Variants in C16orf96 observed in about 807,000 individuals in gnomAD.
The protein encoded by C16orf96 is uncharacterized protein C16orf96.
In C16orf96, 108 loss-of-function variants were observed where a neutral mutation model predicts 103.6. The ratio of observed to expected loss-of-function variants is 1.04; its 90% CI spans 0.89 to 1.22. C16orf96 has a LOEUF of 1.22. Among genes scored for constraint, C16orf96 ranks in the 50% most tolerant of loss-of-function variants. The probability of loss-of-function intolerance (pLI) is 0.00; values close to 1 mark genes in which losing one functional copy is unlikely to be tolerated. For synonymous variants in C16orf96, 566 were observed against 593.5 expected (o/e 0.95, Z 0.67); for missense variants, 1,586 against 1,464.2 (o/e 1.08, Z -1.36).
chr16:4,579,140 C>A (rs781778056), intron 6 of C16orf96, 115 bp downstream of exon 6: 7 of 968,322 alleles, frequency 7.2e-6, no homozygotes, highest in Admixed American at 2.4e-5. Context: ...GCAAAACAGG[C>A]TGGGGGAAAG....
At chr16:4,571,818 G>A (rs923545389) in intron 2 of C16orf96, among the ~76,000 whole-genome samples, 153 bp downstream of exon 2, 3 of 151,952 alleles carry the variant, frequency 2.0e-5, no homozygotes, top group East Asian at 1.9e-4. Flanking sequence ...CAGTGCCACC[G>A]ACTTCTCTGT....
intron 1 of C16orf96, among the ~76,000 whole-genome samples, chr16:4,567,260 T>G (rs1453885195): frequency 6.6e-6 from 1 of 150,818 alleles, no homozygotes; most frequent in Non-Finnish European, 1.5e-5. Flanking sequence ...TTGTGATTTC[T>G]TCTTTGACAT....
chr16:4,588,046 G>T, intron 8 of C16orf96, 121 bp from the exon 9 acceptor site: 1 of 1,024,756 alleles, frequency 9.8e-7, no homozygotes, highest in Non-Finnish European at 1.4e-6. Flanking sequence ...TTGCATTTAA[G>T]CCAAGGCTAA....
At chr16:4,546,090 C>A in the C16orf96 span, among the ~76,000 whole-genome samples, 1 of 151,546 alleles carries the variant, frequency 6.6e-6, no homozygotes, top group Non-Finnish European at 1.5e-5. Context: ...CCTCATGATC[C>A]GCCCACCCTG....
the C16orf96 span, among the ~76,000 whole-genome samples, chr16:4,546,097 C>T: frequency 6.6e-6 from 1 of 151,960 alleles, no homozygotes; most frequent in Non-Finnish European, 1.5e-5. Flanking sequence ...ATCCGCCCAC[C>T]CTGGCCTCCC....
the C16orf96 span, among the ~76,000 whole-genome samples, chr16:4,539,071 T>C: frequency 2.0e-5 from 3 of 152,184 alleles, no homozygotes; most frequent in African/African-American, 7.2e-5. Context: ...CTAATATTTA[T>C]TGAGTTTGGG....
Position 4,575,497 on chromosome 16 carries a change from G to T in C16orf96, c.1017G>T (p.Glu339Asp). ...APGTEPVPGL[E>D]LGLELEPVPA... Reference sequence around the variant, plus strand: ...GGACTGAACCTGTGCCAGGACTGGAGCTGGGGCTGGAGCTGGAGCCTGTGC... The same window carrying T: ...GGACTGAACCTGTGCCAGGACTGGATCTGGGGCTGGAGCTGGAGCCTGTGC... The change falls in exon 5 of 16, where the codon GAG becomes GAT. Residue 339 changes from glutamate (E) to aspartate (D), a missense_variant. Coordinates refer to ENST00000444310, the MANE Select transcript of C16orf96 (RefSeq NM_001145011.2). 1 of 1,547,358 alleles carries T rather than the reference G, an allele frequency of 6.5e-7. No homozygotes were observed.
At chr16:4,562,670 TA>T (rs978375402) in intron 1 of C16orf96, 3 of 381,924 alleles carry the variant, frequency 7.9e-6, no homozygotes, top group African/African-American at 2.1e-5. Context: ...AATGCACATA[TA>T]AAAAAAGTAT....
chr16:4,554,200 C>T (rs963228270), upstream of C16orf96, among the ~76,000 whole-genome samples: 21 of 152,316 alleles, frequency 1.4e-4, no homozygotes, highest in African/African-American at 4.8e-4. Context: ...CTTATGATGT[C>T]AGAGCAGGGC....
the C16orf96 span, among the ~76,000 whole-genome samples, chr16:4,541,697 T>C: frequency 2.0e-5 from 3 of 152,234 alleles, no homozygotes; most frequent in Admixed American, 6.5e-5. Flanking sequence ...CTTAGTGTTG[T>C]GCAGAAGTGC....
rs1897264444 is a variant in C16orf96 at position 4,600,631 on chromosome 16, G to A, written c.*314G>A. Reference sequence around the variant, plus strand: ...AAGGGTGCTGGGGCCCTGGATAGAGGGGAGGGGTCTGTGTAGGGGACCCCC... The same window carrying A: ...AAGGGTGCTGGGGCCCTGGATAGAGAGGAGGGGTCTGTGTAGGGGACCCCC... On this transcript the variant is annotated 3_prime_UTR_variant, in exon 16 of 16. Transcript: ENST00000444310. 2.4e-6 allele frequency: 1 copy of A among 418,012 alleles called. No individual in the cohort carries two copies. The highest frequency in any genetic ancestry group is 2.3e-5 in the South Asian group (1 of 43,646). 25.9% of individuals were successfully genotyped at this position (418,012 alleles called of 1,614,324 possible).
In C16orf96 at chr16:4,599,505, G is replaced by A; in HGVS notation, c.3208+141G>A. ...CCTCCTGCCTGCTTTGCCTGCCTAT[G>A]GCACTTCAGAGATGATTCCTGGCCC... is the stretch of plus-strand genomic sequence containing the variant. On this transcript the variant is annotated intron_variant, in intron 15 of 15. Transcript: ENST00000444310. 3 of 749,690 alleles carry A rather than the reference G, an allele frequency of 4.0e-6. No individual in the cohort carries two copies. The Middle Eastern group carries it at 7.5e-4, about 186-fold the overall frequency. The allele number at this position is 749,690 out of a possible 1,614,324, so 46.4% of individuals were successfully genotyped here. A position where few individuals can be genotyped will look rare whatever the true frequency, so the allele number is the denominator to read the frequency against.
At chr16:4,555,870 AT>A (rs987978923), upstream of C16orf96, among the ~76,000 whole-genome samples, 12 of 147,122 alleles carry the variant, frequency 8.2e-5, no homozygotes, top group South Asian at 8.7e-4. Flanking sequence ...CTAATTACAA[AT>A]TTTTTTTTGT....
the C16orf96 span, among the ~76,000 whole-genome samples, chr16:4,548,734 G>A: frequency 6.6e-5 from 10 of 152,092 alleles, no homozygotes; most frequent in African/African-American, 9.7e-5. Flanking sequence ...TTAGTCAGGC[G>A]TGGTGGTGCA....
chr16:4,543,554 G>A, the C16orf96 span, among the ~76,000 whole-genome samples: 1 of 151,472 alleles, frequency 6.6e-6, no homozygotes, highest in Non-Finnish European at 1.5e-5. Flanking sequence ...TGAACTCCTA[G>A]GCTCAAGTGA....
chr16:4,575,575 A>C lies in C16orf96; in HGVS notation c.1095A>C (p.Ala365=), dbSNP rs1479782374. Residue 365 remains alanine, a synonymous_variant, in exon 5 of 16, where the codon GCA becomes GCC. Coordinates refer to ENST00000444310, the MANE Select transcript of C16orf96 (RefSeq NM_001145011.2). ...GTGTGACACCTGGGTCCTTGCCAGC[A>C]CCTTGGCCTGTGCTTGGACCTGTGC... ...GPSVTPGSLP[A]PWPVLGPVPA... is the part of the protein sequence containing the mutation. The C allele has an allele frequency of 6.6e-7, 1 of 1,524,382 alleles. No individual in the cohort carries two copies. 94.4% of individuals were successfully genotyped at this position (1,524,382 alleles called of 1,614,324 possible). A position where few individuals can be genotyped will look rare whatever the true frequency, so the allele number is the denominator to read the frequency against.
chr16:4,591,650 C>G lies in C16orf96; in HGVS notation c.2593-16C>G. 1 of 1,534,852 alleles carries G rather than the reference C, an allele frequency of 6.5e-7. No individual in the cohort carries two copies. On this transcript the variant is annotated splice_polypyrimidine_tract_variant and intron_variant, in intron 9 of 15. Coordinates refer to ENST00000444310, the MANE Select transcript of C16orf96 (RefSeq NM_001145011.2). ...CATAGAGTATTCTTTCTTATCTTCC[C>G]CTTGGCTGTTGGCAGTTAGTCCACA...
At chr16:4,548,546 G>T in the C16orf96 span, among the ~76,000 whole-genome samples, 1 of 152,144 alleles carries the variant, frequency 6.6e-6, no homozygotes, top group Non-Finnish European at 1.5e-5. Context: ...AGCCCATGGG[G>T]CTCCCAAGAA....
chr16:4,573,254 ATGG>A (rs1243431892), intron 2 of C16orf96, among the ~76,000 whole-genome samples: 1 of 151,968 alleles, frequency 6.6e-6, no homozygotes, highest in Non-Finnish European at 1.5e-5. Flanking sequence ...CCTGGCCAAC[ATGG>A]TAAAACCCCC....
Sources: allele counts gnomAD v4.1 joint callset (sites outside exome capture counted in the v4.1 genomes callset), GRCh38; gene constraint gnomAD v4.1.1; transcripts MANE v1.5; gene names NCBI Gene and HGNC (gene_info 2026-07-23, HGNC 2026-07-21).